The following ADCYAP1R1 variants were observed in gnomAD, a reference collection of about 807,000 sequenced individuals.
ADCYAP1R1 encodes the protein ADCYAP receptor type I.
In ADCYAP1R1, 44 loss-of-function variants were observed where a neutral mutation model predicts 67.6. The observed-to-expected ratio is 0.65, with a 90% CI of 0.51 to 0.84. The LOEUF (loss-of-function observed/expected upper bound fraction) is 0.84. Among genes scored for constraint, ADCYAP1R1 ranks in the 40% least tolerant of loss-of-function variants. The probability of loss-of-function intolerance (pLI) is 0.00; values close to 1 mark genes in which losing one functional copy is unlikely to be tolerated. For synonymous variants in ADCYAP1R1, 222 were observed against 219.6 expected (o/e 1.01, Z -0.10); for missense variants, 477 against 587.9 (o/e 0.81, Z 1.95).
chr7:31,074,656 C>T (rs557877979), intron 3 of ADCYAP1R1, among the ~76,000 whole-genome samples: 115 of 152,364 alleles, frequency 7.5e-4, no homozygotes, highest in African/African-American at 2.6e-3. Flanking sequence ...GGCCGTTCCA[C>T]GGTCAACATG....
At chr7:31,103,155 G>T (rs1796503714) in intron 13 of ADCYAP1R1, 82 bp from the exon 14 acceptor site, 1 of 1,549,548 alleles carries the variant, frequency 6.5e-7, no homozygotes, top group African/African-American at 1.4e-5. Context: ...ATAAGGGACT[G>T]GGGCTGAGTT....
At chr7:31,072,936 A>C (rs1403596003) in intron 3 of ADCYAP1R1, among the ~76,000 whole-genome samples, 1 of 152,214 alleles carries the variant, frequency 6.6e-6, no homozygotes, top group Non-Finnish European at 1.5e-5. Context: ...TCAAAGAGGG[A>C]GGAAGGGGCC....
intron 13 of ADCYAP1R1, among the ~76,000 whole-genome samples, chr7:31,096,963 T>G (rs1486777462): frequency 6.6e-6 from 1 of 152,204 alleles, no homozygotes; most frequent in Non-Finnish European, 1.5e-5. Context: ...TCTGGGTGTT[T>G]CCCAGGGCTG....
At chr7:31,095,774 G>A (rs534131002) in intron 13 of ADCYAP1R1, 56 of 717,626 alleles carry the variant, frequency 7.8e-5, no homozygotes, top group Middle Eastern at 2.3e-4. Context: ...AGCTGCTCAG[G>A]TGATAAGGGT....
chr7:31,065,048 C>A, intron 3 of ADCYAP1R1, 112 bp downstream of exon 3: 1 of 732,184 alleles, frequency 1.4e-6, no homozygotes, highest in Non-Finnish European at 2.3e-6. Flanking sequence ...CTGGGGACTT[C>A]AGAAGGCCCT....
chr7:31,105,435 C>T (rs1313402699), intron 15 of ADCYAP1R1, among the ~76,000 whole-genome samples: 1 of 152,206 alleles, frequency 6.6e-6, no homozygotes, highest in Non-Finnish European at 1.5e-5. Context: ...AGGGAGAGAC[C>T]TGGAACCTTC....
At chr7:31,071,167 TGGACAAAA>T (rs1417114091) in intron 3 of ADCYAP1R1, among the ~76,000 whole-genome samples, 2 of 152,214 alleles carry the variant, frequency 1.3e-5, no homozygotes, top group African/African-American at 4.8e-5. Context: ...ACTGTGGAAC[TGGACAAAA>T]TCATCACCAT....
chr7:31,086,311 C>T lies in ADCYAP1R1; in HGVS notation c.670-73C>T, dbSNP rs189576962. The T allele has an allele frequency of 4.7e-5, 70 of 1,501,742 alleles. No homozygotes were observed. In the African/African-American group the frequency reaches 4.7e-4, roughly 10 times the overall value. 93.0% of individuals were successfully genotyped at this position (1,501,742 alleles called of 1,614,324 possible). A position where few individuals can be genotyped will look rare whatever the true frequency, so the allele number is the denominator to read the frequency against. On this transcript the variant is annotated intron_variant, in intron 9 of 15. Transcript: ENST00000304166. This position sits in a 1 kb window ranked among gnomAD's most constrained non-coding sequence, Gnocchi z 5.0. ...TTGAACCTGAGCATGCCAGAGCCAACGGGCCCTAGGATTCTCCCTTGCTCC... is the reference window on the plus strand; with the variant it reads ...TTGAACCTGAGCATGCCAGAGCCAATGGGCCCTAGGATTCTCCCTTGCTCC...
intron 3 of ADCYAP1R1, among the ~76,000 whole-genome samples, chr7:31,066,711 T>C (rs890141957): frequency 3.9e-4 from 59 of 152,204 alleles, no homozygotes; most frequent in Admixed American, 1.5e-3. Context: ...ATAGTCACCA[T>C]AGTTTTTAAA....
intron 13 of ADCYAP1R1, among the ~76,000 whole-genome samples, chr7:31,097,949 G>T (rs535663483): frequency 6.6e-6 from 1 of 152,288 alleles, no homozygotes; most frequent in African/African-American, 2.4e-5. Context: ...TGCCCAGGCT[G>T]AATTGCAGTG....
intron 6 of ADCYAP1R1, among the ~76,000 whole-genome samples, chr7:31,083,376 C>T (rs898462169): frequency 1.3e-5 from 2 of 152,202 alleles, no homozygotes; most frequent in African/African-American, 4.8e-5. Flanking sequence ...ACTGTGCAGC[C>T]AGCAAATGAC....
At chr7:31,084,970 A>G in intron 8 of ADCYAP1R1, 136 bp downstream of exon 8, 1 of 877,724 alleles carries the variant, frequency 1.1e-6, no homozygotes, top group East Asian at 2.6e-5. Context: ...CCCAAGGATA[A>G]CAGATGGGAA....
intron 1 of ADCYAP1R1, among the ~76,000 whole-genome samples, chr7:31,062,730 G>A (rs761687433): frequency 9.9e-5 from 15 of 152,228 alleles, no homozygotes; most frequent in African/African-American, 3.6e-4. Context: ...TGCACAGAGG[G>A]TGCAGATGGG....
chr7:31,094,393 G>A (rs945323781), intron 13 of ADCYAP1R1, among the ~76,000 whole-genome samples: 1 of 152,014 alleles, frequency 6.6e-6, no homozygotes, highest in African/African-American at 2.4e-5. Context: ...CACTGCCCTT[G>A]TGTCTGGCCT....
At chr7:31,082,655 G>A (rs1265226454) in intron 6 of ADCYAP1R1, among the ~76,000 whole-genome samples, 3 of 152,206 alleles carry the variant, frequency 2.0e-5, no homozygotes, top group Non-Finnish European at 2.9e-5. Context: ...TGTTCAGAGG[G>A]ACTTAAAAGG....
intron 13 of ADCYAP1R1, among the ~76,000 whole-genome samples, chr7:31,098,024 C>T (rs1296921414): frequency 2.0e-5 from 3 of 152,180 alleles, no homozygotes; most frequent in Non-Finnish European, 4.4e-5. Context: ...CCTCAGCCTC[C>T]CAAGTAGCTG....
intron 13 of ADCYAP1R1, among the ~76,000 whole-genome samples, chr7:31,098,133 C>G (rs1210269666): frequency 2.0e-5 from 3 of 152,166 alleles, no homozygotes; most frequent in Admixed American, 2.0e-4. Context: ...AACTCCTGAA[C>G]TCAGCCAATC....
Position 31,074,543 on chromosome 7 carries a change from C to T in ADCYAP1R1, c.158-3448C>T, listed in dbSNP as rs57410846. Among the ~76,000 whole-genome samples the T allele has an allele frequency of 5.4e-3, 817 of 152,338 alleles. 5 individuals are homozygous for T. The highest frequency in any genetic ancestry group is 0.018 in the African/African-American group (757 of 41,582). The stretch of plus-strand genomic sequence containing the variant: ...CTCTGAAGTGGCCCTGTGACCTCGG[C>T]AGTGTCAGCTGGCAGCAGCAGCTGG... On this transcript the variant is annotated intron_variant, in intron 3 of 15. Coordinates refer to ENST00000304166, the MANE Select transcript of ADCYAP1R1 (RefSeq NM_001118.5).
At chr7:31,095,666 G>A (rs2128635799) in intron 13 of ADCYAP1R1, 1 of 717,894 alleles carries the variant, frequency 1.4e-6, no homozygotes, top group Admixed American at 2.0e-5. Context: ...CTTATTTCCA[G>A]AACAAATTTA....
Sources: gnomAD v4.1 joint callset for allele counts (sites outside exome capture counted in the v4.1 genomes callset) on GRCh38, gnomAD v4.1.1 for gene constraint, Gnocchi (gnomAD v3.1) non-coding constraint, MANE v1.5 for transcripts, NCBI Gene and HGNC (gene_info 2026-07-23, HGNC 2026-07-21) for gene names.